Variants in NLRC5 observed in about 807,000 individuals in gnomAD.
The protein encoded by NLRC5 is protein NLRC5.
In NLRC5, 114 loss-of-function variants were observed where a neutral mutation model predicts 206.9. The observed-to-expected ratio is 0.55, with a 90% CI of 0.47 to 0.64. The LOEUF is 0.64. Among genes scored for constraint, NLRC5 ranks in the 30% least tolerant of loss-of-function variants. The pLI, the probability that NLRC5 is intolerant of heterozygous loss-of-function variation, is 0.00. For synonymous variants in NLRC5, 952 were observed against 962.8 expected (o/e 0.99, Z 0.21); for missense variants, 2,008 against 2,305.5 (o/e 0.87, Z 2.64).
intron 23 of NLRC5, among the ~76,000 whole-genome samples, chr16:57,051,156 G>A (rs1383953974): frequency 6.6e-6 from 1 of 152,140 alleles, no homozygotes; most frequent in African/African-American, 2.4e-5. Flanking sequence ...ACCATGCCCA[G>A]CTGCATTCTT....
In NLRC5 at chr16:57,077,980, G is replaced by A. The variant is rs752122610; in HGVS notation, c.5041G>A (p.Gly1681Arg). Residue 1681 changes from glycine (G) to arginine (R), a missense_variant, in exon 43 of 49, where the codon GGG becomes AGG. Transcript: ENST00000688547. ...CNALGDPTAL[G>R]LAQELPQHLR... is the part of the protein sequence containing the mutation. The stretch of plus-strand genomic sequence containing the variant: ...TGCCCTGGGGGATCCCACAGCCCTG[G>A]GGCTGGCTCAGGAGCTGCCCCAGCA... 2 of 1,611,994 alleles carry A rather than the reference G, an allele frequency of 1.2e-6. No individual in the cohort carries two copies. Among genetic ancestry groups the A allele is most frequent in the Non-Finnish European group, 1.7e-6 (2 of 1,178,800 alleles).
At chr16:57,042,441 G>A (rs771335637) in intron 19 of NLRC5, among the ~76,000 whole-genome samples, 4 of 152,100 alleles carry the variant, frequency 2.6e-5, no homozygotes, top group Non-Finnish European at 5.9e-5. Context: ...GGTCAGGGTA[G>A]ACAGGGAGGG....
chr16:57,057,547 A>C (rs1267724223), intron 27 of NLRC5, among the ~76,000 whole-genome samples: 1 of 151,632 alleles, frequency 6.6e-6, no homozygotes, highest in Non-Finnish European at 1.5e-5. Context: ...GGTTTAATGC[A>C]TCCTGCAAAC....
intron 38 of NLRC5, 180 bp from the exon 39 acceptor site, chr16:57,074,420 T>G (rs2068111283): frequency 1.6e-6 from 1 of 610,418 alleles, no homozygotes; most frequent in South Asian, 1.8e-5. Context: ...CAGTAATTCA[T>G]GCAGAGAAAC....
Position 57,021,029 on chromosome 16 carries a change from G to A in NLRC5, c.295+22G>A, listed in dbSNP as rs757409351. ...GATGGTAAGGGCAGGTGTGAGAGAC[G>A]CAAAGCAGCCGGGCCAGTACCTGCG... On this transcript the variant is annotated intron_variant, in intron 3 of 48. Coordinates refer to ENST00000688547, the MANE Select transcript of NLRC5 (RefSeq NM_001384950.1). The A allele has an allele frequency of 2.9e-5, 47 of 1,606,966 alleles. No individual in the cohort carries two copies. In the Middle Eastern group the frequency reaches 5.0e-4, roughly 17 times the overall value.
In NLRC5 at chr16:57,055,534, G is replaced by T; in HGVS notation, c.3746+15G>T. On this transcript the variant is annotated intron_variant, in intron 27 of 48. Transcript: ENST00000688547. ...AGCCAGGTGGAGTAAGTTGAGGGAGGAGGAGGAAGGAGAGGAGCATGGACG... is the reference window on the plus strand; with the variant it reads ...AGCCAGGTGGAGTAAGTTGAGGGAGTAGGAGGAAGGAGAGGAGCATGGACG... The T allele has an allele frequency of 6.2e-7, 1 of 1,607,240 alleles. No homozygotes were observed. The highest frequency in any genetic ancestry group is 1.1e-5 in the South Asian group (1 of 90,846).
intron 41 of NLRC5, 52 bp from the exon 42 acceptor site, chr16:57,077,667 G>GC: frequency 6.6e-7 from 1 of 1,511,290 alleles, no homozygotes; most frequent in Non-Finnish European, 8.9e-7. Context: ...ATGTGCTGGG[G>GC]TGTCGGGGAG....
intron 38 of NLRC5, among the ~76,000 whole-genome samples, chr16:57,071,204 G>GGGT: frequency 6.7e-6 from 1 of 148,404 alleles, no homozygotes; most frequent in African/African-American, 2.5e-5. Flanking sequence ...AGTGGCGTTG[G>GGGT]TGGTTAATGG....
intron 1 of NLRC5, among the ~76,000 whole-genome samples, chr16:57,006,209 GGCTC>G (rs2058882359): frequency 6.6e-6 from 1 of 151,802 alleles, no homozygotes; most frequent in African/African-American, 2.4e-5. Context: ...ATGTTACCCA[GGCTC>G]GTCTCAAACT....
chr16:57,004,858 G>A (rs1271167243), intron 1 of NLRC5, among the ~76,000 whole-genome samples: 1 of 152,088 alleles, frequency 6.6e-6, no homozygotes, highest in Non-Finnish European at 1.5e-5. Flanking sequence ...ACCAGGGTGG[G>A]GTAAACTCCC....
chr16:57,071,073 A>G (rs80003733), intron 38 of NLRC5, among the ~76,000 whole-genome samples: 43,003 of 63,226 alleles, frequency 0.68, 13,835 homozygotes, highest in South Asian at 0.74. Flanking sequence ...AATGGGGAAG[A>G]GTTGTGAGTG....
At chr16:57,044,901 C>T (rs181769291) in intron 20 of NLRC5, among the ~76,000 whole-genome samples, 174 of 151,390 alleles carry the variant, frequency 1.1e-3, no homozygotes, top group Middle Eastern at 6.9e-3. Flanking sequence ...CAGAGCAAGA[C>T]TCTGTCTCAA....
At chr16:57,044,155 A>G (rs2063637807) in intron 20 of NLRC5, among the ~76,000 whole-genome samples, 2 of 139,458 alleles carry the variant, frequency 1.4e-5, no homozygotes, top group African/African-American at 5.6e-5. Context: ...CAAAAAAAAA[A>G]AAAAAAGTAT....
chr16:57,026,374 A>G lies in NLRC5; in HGVS notation c.1431A>G (p.Ala477=), dbSNP rs1267675068. 1.2e-6 allele frequency: 2 copies of G among 1,613,898 alleles called. No homozygotes were observed. Among genetic ancestry groups the G allele is most frequent in the African/African-American group, 2.7e-5 (2 of 74,936 alleles). The change falls in exon 6 of 49, where the codon GCA becomes GCG. Residue 477 remains alanine (A), a synonymous_variant. Coordinates refer to ENST00000688547, the MANE Select transcript of NLRC5 (RefSeq NM_001384950.1). The part of the protein sequence containing the change: ...GLETGKVIFY[A]KDIAPPLIAF... ...AGACAGGGAAGGTTATCTTCTATGC[A>G]AAAGATATTGCTCCACCCTTGATAG...
intron 1 of NLRC5, among the ~76,000 whole-genome samples, chr16:56,994,596 G>A (rs2057373943): frequency 1.3e-5 from 2 of 152,336 alleles, no homozygotes; most frequent in East Asian, 1.9e-4. Context: ...CGAGGGTGGA[G>A]CATGCTGGAT....
rs565725981 is a variant in NLRC5 at position 57,058,055 on chromosome 16, C to T, written c.3747-10C>T. ...CTCTGATCCCCGCCACTGCTCCTTACCCCCTACAGTCTCTCAGCAAACCTG... is the reference window on the plus strand; with the variant it reads ...CTCTGATCCCCGCCACTGCTCCTTATCCCCTACAGTCTCTCAGCAAACCTG... On this transcript the variant is annotated splice_polypyrimidine_tract_variant and intron_variant, in intron 27 of 48. Transcript: ENST00000688547. 6.2e-6 allele frequency: 10 copies of T among 1,609,918 alleles called. No homozygotes were observed. The highest frequency in any genetic ancestry group is 1.7e-5 in the Admixed American group (1 of 59,772).
intron 38 of NLRC5, chr16:57,074,338 G>C (rs2068101175): frequency 6.0e-6 from 2 of 333,168 alleles, no homozygotes; most frequent in Non-Finnish European, 1.2e-5. Flanking sequence ...ATCAATGTGT[G>C]ACCGCCATTA....
At position 57,026,536 on chromosome 16, in the gene NLRC5, G is replaced by A. The variant is rs1449811699; in HGVS notation, c.1593G>A (p.Lys531=). Reference sequence around the variant, plus strand: ...CCCTGCACCTGATGGCCAGCCCCAAGGTGAACAAAGACACACTTACCCAGT... The same window carrying A: ...CCCTGCACCTGATGGCCAGCCCCAAAGTGAACAAAGACACACTTACCCAGT... ...LAALHLMASP[K]VNKDTLTQYV... is the part of the protein sequence containing the mutation. Residue 531 remains lysine, a synonymous_variant, in exon 6 of 49, where the codon AAG becomes AAA. Transcript: ENST00000688547. 1 of 1,614,056 alleles carries A rather than the reference G, an allele frequency of 6.2e-7. No individual in the cohort carries two copies. The highest frequency in any genetic ancestry group is 1.1e-5 in the South Asian group (1 of 91,088).
At chr16:57,054,889 T>G in intron 25 of NLRC5, 49 bp downstream of exon 25, 6 of 1,592,376 alleles carry the variant, frequency 3.8e-6, no homozygotes, top group Non-Finnish European at 5.2e-6. Context: ...GGGTTGTGCC[T>G]GGAGTCTGGT....
Sources: allele counts gnomAD v4.1 joint callset (sites outside exome capture counted in the v4.1 genomes callset), GRCh38; gene constraint gnomAD v4.1.1; transcripts MANE v1.5; gene names NCBI Gene and HGNC (gene_info 2026-07-23, HGNC 2026-07-21).